TMEM245: variants seen among roughly 807,000 people sequenced by gnomAD.
TMEM245 encodes the protein protein CG-2.
TMEM245 carries 69 observed loss-of-function variants against 101.2 expected under a neutral mutation model. That is an observed-to-expected ratio of 0.68 (90% CI 0.56 to 0.83). The LOEUF is 0.83. Ranked by LOEUF, TMEM245 falls within the 40% of genes least tolerant of loss-of-function variation. The probability of loss-of-function intolerance (pLI) is 0.00; values close to 1 mark genes in which losing one functional copy is unlikely to be tolerated. For missense variants in TMEM245, 1,075 were observed against 1,092.8 expected (o/e 0.98, Z 0.23); for synonymous variants, 537 against 449.8 (o/e 1.19, Z -2.45).
At chr9:109,093,782 G>A (rs1276323681) in intron 3 of TMEM245, among the ~76,000 whole-genome samples, 191 bp from the exon 4 acceptor site, 1 of 152,176 alleles carries the variant, frequency 6.6e-6, no homozygotes. Flanking sequence ...CAAATCCCTT[G>A]ACTCTCTGTA....
intron 1 of TMEM245, among the ~76,000 whole-genome samples, chr9:109,118,030 G>A (rs1480705849): frequency 6.6e-6 from 1 of 152,186 alleles, no homozygotes; most frequent in East Asian, 1.9e-4. Flanking sequence ...ACATTCTCTG[G>A]GCCTGTGGCC....
intron 3 of TMEM245, among the ~76,000 whole-genome samples, chr9:109,098,888 G>A (rs1184648241): frequency 2.0e-5 from 3 of 152,134 alleles, no homozygotes; most frequent in South Asian, 2.1e-4. Context: ...CTCAGAGTCC[G>A]GCACACAAGA....
intron 14 of TMEM245, chr9:109,042,505 G>A (rs1381204973): frequency 6.6e-6 from 1 of 152,148 alleles, no homozygotes; most frequent in Non-Finnish European, 1.5e-5. Flanking sequence ...GTTTTTAAAG[G>A]CTGCCTTCAT....
chr9:109,092,979 TAA>T (rs912142880), intron 4 of TMEM245, among the ~76,000 whole-genome samples: 1 of 150,810 alleles, frequency 6.6e-6, no homozygotes, highest in South Asian at 2.1e-4. Context: ...AGATGGAAAA[TAA>T]AAGTCTTCCC....
Position 109,119,753 on chromosome 9 carries a change from A to G in TMEM245, c.161T>C (p.Phe54Ser). The change falls in exon 1 of 18, where the codon TTC becomes TCC. Residue 54 changes from phenylalanine (F) to serine (S), a missense_variant. Transcript: ENST00000374586. ...GAACAGCACGGCCCCGGTGTTGTAG[A>G]AGGCCTGCTTAATGGGCTTGTCGAA... ...LRFDKPIKQA[F>S]YNTGAVLFVC... The G allele has an allele frequency of 6.6e-7, 1 of 1,520,346 alleles. No homozygotes were observed. Among genetic ancestry groups the G allele is most frequent in the Non-Finnish European group, 8.8e-7 (1 of 1,139,830 alleles). 94.2% of individuals were successfully genotyped at this position (1,520,346 alleles called of 1,614,324 possible).
chr9:109,056,831 G>C (rs988751911), intron 12 of TMEM245, among the ~76,000 whole-genome samples: 1 of 152,148 alleles, frequency 6.6e-6, no homozygotes, highest in African/African-American at 2.4e-5. Context: ...AGGAGGTTAG[G>C]TGGGAAGGTG....
intron 9 of TMEM245, among the ~76,000 whole-genome samples, chr9:109,070,984 C>A (rs903453577): frequency 6.6e-6 from 1 of 152,120 alleles, no homozygotes; most frequent in Admixed American, 6.5e-5. Flanking sequence ...CGAGTTCAAG[C>A]GATTCATGTG....
chr9:109,106,705 A>T, intron 2 of TMEM245, 96 bp from the exon 3 acceptor site: 1 of 791,890 alleles, frequency 1.3e-6, no homozygotes, highest in Non-Finnish European at 2.0e-6. Flanking sequence ...ACAATCTGGT[A>T]TATATATTAG....
In TMEM245 at chr9:109,050,701, G is replaced by T; in HGVS notation, c.1855-9C>A. 6.2e-7 allele frequency: 1 copy of T among 1,611,858 alleles called. No homozygotes were observed. The highest frequency in any genetic ancestry group is 8.5e-7 in the Non-Finnish European group (1 of 1,179,584). On this transcript the variant is annotated splice_polypyrimidine_tract_variant and intron_variant, in intron 12 of 17. Transcript: ENST00000374586. Reference sequence around the variant, plus strand: ...CACAGAGACTCCAAGATCTGACGAGGAAGGAAAGCTGGATATCAGAACCAA... The same window carrying T: ...CACAGAGACTCCAAGATCTGACGAGTAAGGAAAGCTGGATATCAGAACCAA...
rs371745287 is a variant in TMEM245, at chr9:109,078,518, A to G, written c.1449+2321T>C. On this transcript the variant is annotated intron_variant, in intron 8 of 17. Transcript: ENST00000374586. ...CTTTGAAAGAACAGTTTCACTGACT[A>G]TAAAAGTATTGTTTGAGATTTCTCC... is the stretch of plus-strand genomic sequence containing the variant. 9.2e-4 allele frequency among the ~76,000 whole-genome samples: 140 copies of G among 152,338 alleles called. 3 individuals carry two copies. The South Asian group carries it at 0.026, about 28-fold the overall frequency.
At chr9:109,055,151 A>C (rs1394143575) in intron 12 of TMEM245, among the ~76,000 whole-genome samples, 3 of 152,196 alleles carry the variant, frequency 2.0e-5, no homozygotes, top group African/African-American at 7.2e-5. Flanking sequence ...CACTTCATTC[A>C]TCAATAACAG....
chr9:109,040,759 T>C (rs1205416754), intron 14 of TMEM245, among the ~76,000 whole-genome samples: 1 of 152,232 alleles, frequency 6.6e-6, no homozygotes, highest in East Asian at 1.9e-4. Context: ...CATTGTTGAG[T>C]ATATCAGTAG....
At chr9:109,046,446 C>T (rs997414125) in intron 14 of TMEM245, 1 of 352,744 alleles carries the variant, frequency 2.8e-6, no homozygotes, top group African/African-American at 2.1e-5. Context: ...AACCCAATTG[C>T]AAATGTATTC....
Position 109,064,529 on chromosome 9 carries a change from T to C in TMEM245, c.1571A>G (p.Asn524Ser). Residue 524 changes from asparagine to serine, a missense_variant, in exon 10 of 18, where the codon AAT (asparagine) becomes AGT (serine). Asn to Ser is a conservative substitution (Grantham distance 46). Coordinates refer to ENST00000374586, the MANE Select transcript of TMEM245 (RefSeq NM_032012.4). ...CTGATACACGTTGTTAGCCGCAGAA[T>C]TCAGGGCTCTTTGGACTACCTGAGC... is the stretch of plus-strand genomic sequence containing the variant. ...PEAQVVQRAL[N>S]SAANNVYQYG... is the part of the protein sequence containing the mutation. 1 of 1,613,970 alleles carries C rather than the reference T, an allele frequency of 6.2e-7. No individual in the cohort carries two copies. The highest frequency in any genetic ancestry group is 8.5e-7 in the Non-Finnish European group (1 of 1,179,870).
chr9:109,029,177 A>C (rs1270790309), intron 17 of TMEM245, among the ~76,000 whole-genome samples: 2 of 152,174 alleles, frequency 1.3e-5, no homozygotes, highest in Non-Finnish European at 2.9e-5. Flanking sequence ...AGCCAAAAAG[A>C]CACAAGTGAA....
At chr9:109,073,315 A>C in intron 9 of TMEM245, 41 bp downstream of exon 9, 4,228 of 1,193,908 alleles carry the variant, frequency 3.5e-3, no homozygotes, top group Non-Finnish European at 4.8e-3. Flanking sequence ...TGCTGAAACT[A>C]GGCCATTCAT....
At chr9:109,056,360 G>A (rs1170437276) in intron 12 of TMEM245, among the ~76,000 whole-genome samples, 6 of 148,660 alleles carry the variant, frequency 4.0e-5, no homozygotes, top group Admixed American at 6.9e-5. Flanking sequence ...TTGGGAGGCC[G>A]AGGCAGGCAG....
chr9:109,074,757 C>T (rs1436337801), intron 8 of TMEM245, among the ~76,000 whole-genome samples: 1 of 152,040 alleles, frequency 6.6e-6, no homozygotes, highest in African/African-American at 2.4e-5. Flanking sequence ...GTCTAGATAC[C>T]CTAACAAAGA....
intron 3 of TMEM245, among the ~76,000 whole-genome samples, chr9:109,101,014 G>A (rs76326071): frequency 0.13 from 20,470 of 152,066 alleles, 1,622 homozygotes; most frequent in African/African-American, 0.19. Flanking sequence ...TTTCTGAGGC[G>A]GAGGTGGGAG....
Sources: gnomAD v4.1 joint callset for allele counts (sites outside exome capture counted in the v4.1 genomes callset) on GRCh38, gnomAD v4.1.1 for gene constraint, MANE v1.5 for transcripts, NCBI Gene and HGNC (gene_info 2026-07-23, HGNC 2026-07-21) for gene names.